Variants in OPCML observed in about 807,000 individuals in gnomAD.
OPCML encodes the protein opioid-binding protein/cell adhesion molecule.
In OPCML, 13 loss-of-function variants were observed where a neutral mutation model predicts 37.8. The ratio of observed to expected loss-of-function variants is 0.34; its 90% CI spans 0.22 to 0.55. The LOEUF (loss-of-function observed/expected upper bound fraction) is 0.55. Among genes scored for constraint, OPCML ranks in the 20% least tolerant of loss-of-function variants. OPCML has a pLI of 0.91. For missense variants in OPCML, 341 were observed against 435.6 expected (o/e 0.78, Z 1.93); for synonymous variants, 176 against 168.8 (o/e 1.04, Z -0.33).
chr11:132,958,360 G>A (rs1050947178), intron 1 of OPCML, among the ~76,000 whole-genome samples: 1 of 152,214 alleles, frequency 6.6e-6, no homozygotes, highest in Non-Finnish European at 1.5e-5. Context: ...TAGTTGATGA[G>A]GTTTAAGGAA....
intron 1 of OPCML, among the ~76,000 whole-genome samples, chr11:133,386,065 G>T (rs1699682275): frequency 6.6e-6 from 1 of 152,220 alleles, no homozygotes; most frequent in Non-Finnish European, 1.5e-5. Context: ...GAGAGGGGAA[G>T]TGTGTGTTAA....
In OPCML at chr11:132,597,127, AAGAG is replaced by A. The variant is rs570980972; in HGVS notation, c.379+59956_379+59959del. 6.6e-4 allele frequency among the ~76,000 whole-genome samples: 101 copies of A among 152,346 alleles called. 1 individual carries two copies. The highest frequency in any genetic ancestry group is 3.4e-3 in the Middle Eastern group (1 of 294). On this transcript the variant is annotated intron_variant, in intron 3 of 7. Coordinates refer to ENST00000524381, the MANE Select transcript of OPCML (RefSeq NM_001012393.5). ...TGTGATAACATTTAAAAATCAAAGA[AAGAG>A]AAAGAACCAACATGCCACTTTGTGA...
intron 2 of OPCML, among the ~76,000 whole-genome samples, chr11:132,853,426 A>C (rs1218487383): frequency 1.3e-5 from 2 of 152,230 alleles, no homozygotes; most frequent in Non-Finnish European, 2.9e-5. Flanking sequence ...AGCATGGTAA[A>C]AATATGAATT....
chr11:133,527,269 A>G (rs1251452047), intron 1 of OPCML, among the ~76,000 whole-genome samples: 1 of 152,206 alleles, frequency 6.6e-6, no homozygotes, highest in African/African-American at 2.4e-5. Context: ...GAGAGACCAA[A>G]GGTGCCATGT....
chr11:133,102,775 AAAC>A (rs752318726), intron 1 of OPCML, among the ~76,000 whole-genome samples: 63 of 151,976 alleles, frequency 4.1e-4, no homozygotes, highest in South Asian at 4.1e-4. Flanking sequence ...AAACAAAAAC[AAAC>A]AACAACAACA....
At chr11:132,598,844 T>C (rs143331642) in intron 3 of OPCML, among the ~76,000 whole-genome samples, 1 of 152,220 alleles carries the variant, frequency 6.6e-6, no homozygotes, top group Non-Finnish European at 1.5e-5. Flanking sequence ...CTCTGCTGGA[T>C]ACTGAAGCTA....
At chr11:132,495,300 A>G (rs1326289772) in intron 4 of OPCML, among the ~76,000 whole-genome samples, 2 of 152,204 alleles carry the variant, frequency 1.3e-5, no homozygotes, top group Non-Finnish European at 2.9e-5. Flanking sequence ...GACAACTACA[A>G]TCTCAGAATA....
chr11:132,669,106 G>C (rs542036882), intron 2 of OPCML, among the ~76,000 whole-genome samples: 1 of 152,182 alleles, frequency 6.6e-6, no homozygotes, highest in African/African-American at 2.4e-5. Flanking sequence ...CAACACAATT[G>C]TGCACACCTG....
intron 3 of OPCML, among the ~76,000 whole-genome samples, chr11:132,640,706 G>A (rs554941155): frequency 5.3e-5 from 8 of 152,266 alleles, no homozygotes; most frequent in East Asian, 1.9e-4. Flanking sequence ...AATGTGTAAC[G>A]CAGTAGTTAC....
intron 1 of OPCML, among the ~76,000 whole-genome samples, chr11:133,527,432 A>C (rs1948511965): frequency 6.6e-6 from 1 of 152,218 alleles, no homozygotes; most frequent in Non-Finnish European, 1.5e-5. Context: ...ATCTTAATAC[A>C]TTGTTTAATC....
At chr11:132,609,643 T>A (rs748114915) in intron 3 of OPCML, among the ~76,000 whole-genome samples, 3 of 152,204 alleles carry the variant, frequency 2.0e-5, no homozygotes, top group Non-Finnish European at 4.4e-5. Context: ...AAAGAGTCAG[T>A]TGAAATGCCA....
chr11:133,089,817 T>C (rs1225624201), intron 1 of OPCML, among the ~76,000 whole-genome samples: 1 of 151,730 alleles, frequency 6.6e-6, no homozygotes, highest in Non-Finnish European at 1.5e-5. Flanking sequence ...GGGAAGGAAA[T>C]TGAAGCAGAG....
Position 133,532,354 on chromosome 11 carries a change from G to C in OPCML, c.-30C>G. On this transcript the variant is annotated 5_prime_UTR_variant, in exon 1 of 8. Transcript: ENST00000524381. ...ACGCTGCGGTGCTCTCAGCTGCCGG[G>C]CTTGCTACTGCTTCTGCTGCTGCTA... The C allele has an allele frequency of 6.2e-7, 1 of 1,607,916 alleles. No individual in the cohort carries two copies. The highest frequency in any genetic ancestry group is 8.5e-7 in the Non-Finnish European group (1 of 1,177,160).
At chr11:132,611,173 AT>A (rs1938615937) in intron 3 of OPCML, among the ~76,000 whole-genome samples, 1 of 152,198 alleles carries the variant, frequency 6.6e-6, no homozygotes, top group South Asian at 2.1e-4. Context: ...GGTGGTTGCC[AT>A]TTCTAACGAT....
In OPCML at chr11:132,468,163, C is replaced by T. The variant is rs1031083902; in HGVS notation, c.506-30804G>A. On this transcript the variant is annotated intron_variant, in intron 4 of 7. Transcript: ENST00000524381. ...TCAGCTCTTGTTGATCTCTAAACTGCTCACTCTCCTCTGGCTCTTTTTCTT... is the reference window on the plus strand; with the variant it reads ...TCAGCTCTTGTTGATCTCTAAACTGTTCACTCTCCTCTGGCTCTTTTTCTT... Among the ~76,000 whole-genome samples, 4 of 152,202 alleles carry T rather than the reference C, an allele frequency of 2.6e-5. No homozygotes were observed. The East Asian group carries it at 7.7e-4, about 29-fold the overall frequency.
At chr11:133,458,386 GTATA>G (rs1182804084) in intron 1 of OPCML, among the ~76,000 whole-genome samples, 2 of 20,536 alleles carry the variant, frequency 9.7e-5, no homozygotes, top group South Asian at 1.8e-3. Context: ...ACACGTGTGT[GTATA>G]TATATACACA....
chr11:132,835,220 G>C (rs948674503), intron 2 of OPCML, among the ~76,000 whole-genome samples: 1 of 152,170 alleles, frequency 6.6e-6, no homozygotes, highest in Non-Finnish European at 1.5e-5. Context: ...CATATTCTCT[G>C]GCCATGCCTT....
chr11:132,623,770 T>C (rs1323836374), intron 3 of OPCML, among the ~76,000 whole-genome samples: 3 of 152,196 alleles, frequency 2.0e-5, no homozygotes, highest in Non-Finnish European at 4.4e-5. Flanking sequence ...ATTAAGATGA[T>C]GACAGTAAAA....
chr11:132,541,421 G>A (rs1412627457), intron 3 of OPCML, among the ~76,000 whole-genome samples: 1 of 152,134 alleles, frequency 6.6e-6, no homozygotes, highest in Non-Finnish European at 1.5e-5. Flanking sequence ...GGGTCATTGG[G>A]AGGAATAAAT....
Sources: allele counts gnomAD v4.1 joint callset (sites outside exome capture counted in the v4.1 genomes callset), GRCh38; gene constraint gnomAD v4.1.1; transcripts MANE v1.5; gene names NCBI Gene and HGNC (gene_info 2026-07-23, HGNC 2026-07-21).